The following IQCJ variants were observed in gnomAD, a reference collection of about 807,000 sequenced individuals.
The protein encoded by IQCJ is IQ motif containing J.
IQCJ carries 9 observed loss-of-function variants against 11.0 expected under a neutral mutation model. That is an observed-to-expected ratio of 0.82 (90% confidence interval 0.49 to 1.43). The LOEUF is 1.43. Among genes scored for constraint, IQCJ ranks in the 40% most tolerant of loss-of-function variants. IQCJ has a pLI of 0.00. For missense variants in IQCJ, 146 were observed against 133.2 expected (o/e 1.10, Z -0.47); for synonymous variants, 55 against 51.3 (o/e 1.07, Z -0.31).
intron 1 of IQCJ, among the ~76,000 whole-genome samples, chr3:159,145,858 G>C (rs1720899809): frequency 6.6e-6 from 1 of 152,158 alleles, no homozygotes; most frequent in Non-Finnish European, 1.5e-5. Context: ...TAGAGTCTTT[G>C]TCCTCAGAGT....
At chr3:159,219,329 T>A (rs1335481595) in intron 1 of IQCJ, among the ~76,000 whole-genome samples, 1 of 152,104 alleles carries the variant, frequency 6.6e-6, no homozygotes, top group African/African-American at 2.4e-5. Flanking sequence ...CTGCTCTTTA[T>A]AAGAATTATG....
chr3:159,190,766 T>C (rs1258293297), intron 1 of IQCJ, among the ~76,000 whole-genome samples: 1 of 152,198 alleles, frequency 6.6e-6, no homozygotes, highest in Non-Finnish European at 1.5e-5. Context: ...CCATGCCTCA[T>C]TTTCCAATAT....
intron 1 of IQCJ, among the ~76,000 whole-genome samples, chr3:159,121,229 G>A (rs1719362246): frequency 6.6e-6 from 1 of 151,234 alleles, no homozygotes; most frequent in African/African-American, 2.4e-5. Context: ...GATCTCCTGG[G>A]CTCAAGCGAT....
At chr3:159,076,076 C>T (rs1715893918) in intron 1 of IQCJ, among the ~76,000 whole-genome samples, 1 of 152,080 alleles carries the variant, frequency 6.6e-6, no homozygotes, top group Non-Finnish European at 1.5e-5. Context: ...ATTCAGGAAC[C>T]AGCACCAAAC....
intron 1 of IQCJ, among the ~76,000 whole-genome samples, chr3:159,178,563 T>C (rs1048320400): frequency 2.6e-5 from 4 of 152,220 alleles, no homozygotes; most frequent in Non-Finnish European, 4.4e-5. Flanking sequence ...ACATACATAC[T>C]ATACCAACAC....
intron 1 of IQCJ, among the ~76,000 whole-genome samples, chr3:159,176,231 G>A (rs1195143429): frequency 6.6e-6 from 1 of 150,786 alleles, no homozygotes; most frequent in Non-Finnish European, 1.5e-5. Flanking sequence ...CCAGTCTCTG[G>A]TTTGCTTTTT....
At position 159,262,578 on chromosome 3, in the gene IQCJ, G is replaced by T. The variant is rs760350127; in HGVS notation, c.186G>T (p.Gln62His). Reference sequence around the variant, plus strand: ...AGCGAGCATGGCGAGAGTACCTGCAGCGGCAGGAGCCCCTGGGGAAGAGGA... The same window carrying T: ...AGCGAGCATGGCGAGAGTACCTGCATCGGCAGGAGCCCCTGGGGAAGAGGA... ...IIQRAWREYL[Q>H]RQEPLGKRSP... The change falls in exon 4 of 4, where the codon CAG becomes CAT. Residue 62 changes from glutamine (Q) to histidine (H), a missense_variant. Coordinates refer to ENST00000397832, the MANE Select transcript of IQCJ (RefSeq NM_001042706.3). The T allele has an allele frequency of 5.0e-6, 8 of 1,613,860 alleles. No individual in the cohort carries two copies. In the Admixed American group the frequency reaches 1.3e-4, roughly 27 times the overall value.
In IQCJ at chr3:159,105,813, T is replaced by C. The variant is rs537055253; in HGVS notation, c.9+36372T>C. Among the ~76,000 whole-genome samples the C allele has an allele frequency of 1.4e-3, 214 of 152,226 alleles. 1 individual carries two copies. Among genetic ancestry groups the C allele is most frequent in the Middle Eastern group, 3.4e-3 (1 of 294 alleles). ...GAGATAAAGTGGACAGATAGATAGA[T>C]ACATCACACGCAGCCGTATAGGACA... On this transcript the variant is annotated intron_variant, in intron 1 of 3. Coordinates refer to ENST00000397832, the MANE Select transcript of IQCJ (RefSeq NM_001042706.3).
intron 1 of IQCJ, among the ~76,000 whole-genome samples, chr3:159,147,402 A>T (rs1264147703): frequency 6.6e-6 from 1 of 152,238 alleles, no homozygotes; most frequent in African/African-American, 2.4e-5. Flanking sequence ...TTCTATCATG[A>T]AACAGAATAA....
At chr3:159,166,512 G>A (rs571399725) in intron 1 of IQCJ, among the ~76,000 whole-genome samples, 1 of 152,262 alleles carries the variant, frequency 6.6e-6, no homozygotes, top group Admixed American at 6.5e-5. Flanking sequence ...GATTCTTTGT[G>A]GGCACTGGAT....
chr3:159,111,355 G>A (rs1393456140), intron 1 of IQCJ, among the ~76,000 whole-genome samples: 3 of 152,030 alleles, frequency 2.0e-5, no homozygotes, highest in African/African-American at 7.3e-5. Flanking sequence ...ATTTGAACTA[G>A]CTCTCTTCTC....
intron 1 of IQCJ, among the ~76,000 whole-genome samples, chr3:159,148,949 G>A (rs1468119581): frequency 1.3e-5 from 2 of 152,142 alleles, no homozygotes; most frequent in Non-Finnish European, 2.9e-5. Flanking sequence ...AACATCAACA[G>A]TATGATCTGG....
intron 1 of IQCJ, among the ~76,000 whole-genome samples, chr3:159,220,279 C>T (rs913040248): frequency 6.6e-6 from 1 of 152,102 alleles, no homozygotes; most frequent in Non-Finnish European, 1.5e-5. Flanking sequence ...AAGCCCTAAT[C>T]TCCAGTACCT....
At chr3:159,155,850 T>C (rs976440651) in intron 1 of IQCJ, among the ~76,000 whole-genome samples, 1 of 152,210 alleles carries the variant, frequency 6.6e-6, no homozygotes, top group Non-Finnish European at 1.5e-5. Flanking sequence ...CTTTTAAACA[T>C]AATGCATATT....
intron 1 of IQCJ, among the ~76,000 whole-genome samples, chr3:159,074,369 C>G (rs142335610): frequency 2.0e-5 from 3 of 152,028 alleles, no homozygotes; most frequent in Admixed American, 6.6e-5. Context: ...TAAAAGAAGA[C>G]GTGAGGGGAA....
chr3:159,255,260 C>T, intron 3 of IQCJ, among the ~76,000 whole-genome samples: 1 of 152,138 alleles, frequency 6.6e-6, no homozygotes, highest in Non-Finnish European at 1.5e-5. Flanking sequence ...CCTGAAGGCT[C>T]TCCTTTCCCC....
chr3:159,094,709 G>A (rs1274027724), intron 1 of IQCJ, among the ~76,000 whole-genome samples: 2 of 151,728 alleles, frequency 1.3e-5, no homozygotes, highest in East Asian at 1.9e-4. Context: ...ATTAGAATTG[G>A]TAAAAGATGT....
intron 1 of IQCJ, among the ~76,000 whole-genome samples, chr3:159,159,856 T>C (rs1270884391): frequency 6.6e-6 from 1 of 151,824 alleles, no homozygotes; most frequent in African/African-American, 2.4e-5. Context: ...TCTCTCATTA[T>C]GTGACACACT....
At chr3:159,150,942 C>T (rs1332514366) in intron 1 of IQCJ, among the ~76,000 whole-genome samples, 1 of 152,120 alleles carries the variant, frequency 6.6e-6, no homozygotes, top group East Asian at 1.9e-4. Context: ...ATATTGCAGC[C>T]CGTGCCATCC....
Sources: gnomAD v4.1 joint callset for allele counts (sites outside exome capture counted in the v4.1 genomes callset) on GRCh38, gnomAD v4.1.1 for gene constraint, MANE v1.5 for transcripts, NCBI Gene and HGNC (gene_info 2026-07-23, HGNC 2026-07-21) for gene names.